SYK: variants seen among roughly 807,000 people sequenced by gnomAD.
SYK encodes the protein tyrosine-protein kinase SYK.
SYK carries 16 observed loss-of-function variants against 77.8 expected under a neutral mutation model. The ratio of observed to expected loss-of-function variants is 0.21; its 90% CI spans 0.14 to 0.31. SYK has a LOEUF of 0.31. SYK is among the 10% of genes least tolerant of loss of function. The pLI, the probability that SYK is intolerant of heterozygous loss-of-function variation, is 1.00. For synonymous variants in SYK, 312 were observed against 308.7 expected, an observed-to-expected ratio of 1.01 and a Z score of -0.11; for missense variants, 529 against 814.4, an observed-to-expected ratio of 0.65 and a Z score of 4.26.
chr9:90,862,494 A>C, intron 4 of SYK, 150 bp downstream of exon 4: 1 of 966,484 alleles, frequency 1.0e-6, no homozygotes, highest in Non-Finnish European at 1.5e-6. Context: ...CTCATGAGAA[A>C]CACACACCTG....
chr9:90,877,811 G>T (rs751384534), intron 10 of SYK, 31 bp downstream of exon 10: 1 of 1,612,338 alleles, frequency 6.2e-7, no homozygotes, highest in Non-Finnish European at 8.5e-7. Context: ...ACATCTGGAA[G>T]CTATCCCCTA....
intron 1 of SYK, among the ~76,000 whole-genome samples, chr9:90,819,448 G>C (rs890088500): frequency 6.6e-6 from 1 of 152,216 alleles, no homozygotes; most frequent in Non-Finnish European, 1.5e-5. Context: ...TGGAATTACA[G>C]TTCCACATGG....
At chr9:90,855,883 G>A (rs1827021054) in intron 3 of SYK, among the ~76,000 whole-genome samples, 2 of 152,168 alleles carry the variant, frequency 1.3e-5, no homozygotes, top group African/African-American at 4.8e-5. Context: ...GGGATATGGT[G>A]TGAGCCTGTT....
rs147125933 is a variant in SYK at position 90,878,820 on chromosome 9, A to G, written c.1448A>G (p.Lys483Arg). The G allele has an allele frequency of 6.8e-6, 11 of 1,614,010 alleles. No homozygotes were observed. In the African/African-American group the frequency reaches 1.3e-4, roughly 20 times the overall value. ...ELVHQVSMGM[K>R]YLEESNFVHR... ...GTTCATCAGGTTTCCATGGGCATGA[A>G]GTACTTGGAGGAGAGCAATTTTGTG... Residue 483 changes from lysine to arginine, a missense_variant, in exon 11 of 14, where the codon AAG (lysine) becomes AGG (arginine). Physicochemically the swap from Lys to Arg is conservative, Grantham distance 26. Around this residue, in one of 2 missense-constraint regions of SYK, gnomAD observed 208 missense variants for 381.3 expected, o/e 0.55. Transcript: ENST00000375754.
At position 90,895,991 on chromosome 9, in the gene SYK, C is replaced by T. The variant is rs200937477; in HGVS notation, c.*391C>T. The T allele has an allele frequency of 2.1e-5, 5 of 243,234 alleles. No individual in the cohort carries two copies. The Admixed American group carries it at 2.1e-4, about 10-fold the overall frequency. 15.1% of individuals were successfully genotyped at this position (243,234 alleles called of 1,614,324 possible). ...TGGCCTAGAGCACTCTCACCCCAAG[C>T]GGCCTTTTCCAAATGCCCAAGGATG... is the stretch of plus-strand genomic sequence containing the variant. On this transcript the variant is annotated 3_prime_UTR_variant, in exon 14 of 14. Transcript: ENST00000375754. This position sits in a 1 kb window ranked among gnomAD's most constrained non-coding sequence, Gnocchi z 4.4.
At chr9:90,886,218 T>A (rs1317930036) in intron 11 of SYK, among the ~76,000 whole-genome samples, 1 of 152,084 alleles carries the variant, frequency 6.6e-6, no homozygotes, top group Non-Finnish European at 1.5e-5. Flanking sequence ...ATGCTCAATA[T>A]CACCAAACAG....
chr9:90,854,051 C>T (rs554939199), intron 3 of SYK, among the ~76,000 whole-genome samples: 43 of 152,132 alleles, frequency 2.8e-4, no homozygotes, highest in Non-Finnish European at 1.2e-4. Context: ...AACCCCAGTC[C>T]GAGCCCCAGG....
At chr9:90,866,073 A>C (rs1158022536) in intron 6 of SYK, among the ~76,000 whole-genome samples, 1 of 151,540 alleles carries the variant, frequency 6.6e-6, no homozygotes, top group Non-Finnish European at 1.5e-5. Context: ...TAATTTTTTT[A>C]TATTTTTAGT....
rs1426739076 is a variant in SYK, at chr9:90,864,609, T to C, written c.738T>C (p.Tyr246=). 2 of 1,614,214 alleles carry C rather than the reference T, an allele frequency of 1.2e-6. No homozygotes were observed. The highest frequency in any genetic ancestry group is 3.3e-5 in the Admixed American group (2 of 60,020). The part of the protein sequence containing the change: ...TLWQLVEHYS[Y]KADGLLRVLT... ...TTCAGCTAGTCGAGCATTATTCTTA[T>C]AAAGCAGATGGTTTGTTAAGAGTTC... Residue 246 remains tyrosine, a synonymous_variant, in exon 5 of 14, where the codon TAT becomes TAC. Transcript: ENST00000375754.
At position 90,877,842 on chromosome 9, in the gene SYK, G is replaced by A. The variant is rs1828005345; in HGVS notation, c.1391+62G>A. On this transcript the variant is annotated intron_variant, in intron 10 of 13. Transcript: ENST00000375754. ...CCCTAAGGGACAGGGCCCACCCCTG[G>A]ATGGGCCGAGCAGCCTGATTTCCTT... 4 of 1,577,432 alleles carry A rather than the reference G, an allele frequency of 2.5e-6. No homozygotes were observed. The African/African-American group carries it at 4.0e-5, about 16-fold the overall frequency.
intron 1 of SYK, among the ~76,000 whole-genome samples, chr9:90,831,100 A>G (rs1025914237): frequency 1.3e-5 from 2 of 152,172 alleles, no homozygotes; most frequent in African/African-American, 4.8e-5. Context: ...TTTGGCAACA[A>G]TTGTTTGCAG....
intron 3 of SYK, among the ~76,000 whole-genome samples, chr9:90,861,053 T>G (rs1445242569): frequency 6.6e-6 from 1 of 152,090 alleles, no homozygotes; most frequent in African/African-American, 2.4e-5. Context: ...ACCTAAGATC[T>G]CATGAACCAA....
In SYK at chr9:90,844,234, G is replaced by T; in HGVS notation, c.336G>T (p.Gly112=). The change falls in exon 2 of 14, where the codon GGG becomes GGT. Residue 112 remains glycine (G), a synonymous_variant. Coordinates refer to ENST00000375754, the MANE Select transcript of SYK (RefSeq NM_003177.7). ...AGAAGCCCTTCAACCGGCCCCAAGG[G>T]GTGCAGCCCAAGACTGGGCCCTTTG... ...LLKKPFNRPQ[G]VQPKTGPFED... The T allele has an allele frequency of 6.2e-7, 1 of 1,614,186 alleles. No individual in the cohort carries two copies. The highest frequency in any genetic ancestry group is 8.5e-7 in the Non-Finnish European group (1 of 1,180,010).
chr9:90,848,095 C>T (rs2118670544), intron 3 of SYK, among the ~76,000 whole-genome samples: 1 of 152,200 alleles, frequency 6.6e-6, no homozygotes, highest in East Asian at 1.9e-4. Flanking sequence ...GTTGTGTATG[C>T]TTGTGGAGAG....
Position 90,888,509 on chromosome 9 carries a change from T to G in SYK, c.1723-6T>G, listed in dbSNP as rs201685667. The G allele has an allele frequency of 7.5e-6, 12 of 1,591,396 alleles. No homozygotes were observed. Among genetic ancestry groups the G allele is most frequent in the Non-Finnish European group, 1.0e-5 (12 of 1,172,038 alleles). On this transcript the variant is annotated splice_region_variant and splice_polypyrimidine_tract_variant and intron_variant, in intron 12 of 13. Transcript: ENST00000375754. ...AAAAAGCTTATGCATATCTTGCATGTTGTAGGGGATGAAAGGAAGTGAAGT... is the reference window on the plus strand; with the variant it reads ...AAAAAGCTTATGCATATCTTGCATGGTGTAGGGGATGAAAGGAAGTGAAGT...
intron 11 of SYK, among the ~76,000 whole-genome samples, chr9:90,880,214 A>G (rs1385618479): frequency 6.6e-6 from 1 of 152,200 alleles, no homozygotes; most frequent in East Asian, 1.9e-4. Flanking sequence ...GAGGCAGTCC[A>G]TGGACTGGTA....
chr9:90,829,543 G>C lies in SYK; in HGVS notation c.-41-14315G>C, dbSNP rs148440961. Among the ~76,000 whole-genome samples, 371 of 152,300 alleles carry C rather than the reference G, an allele frequency of 2.4e-3. 3 individuals carry two copies. The highest frequency in any genetic ancestry group is 8.4e-3 in the African/African-American group (351 of 41,550). ...GGCAAGAAGACGTGAGGATAGTAGAGAACCTGGAAATCACGCAGTCCCCAG... is the reference window on the plus strand; with the variant it reads ...GGCAAGAAGACGTGAGGATAGTAGACAACCTGGAAATCACGCAGTCCCCAG... On this transcript the variant is annotated intron_variant, in intron 1 of 13. Coordinates refer to ENST00000375754, the MANE Select transcript of SYK (RefSeq NM_003177.7).
intron 1 of SYK, among the ~76,000 whole-genome samples, chr9:90,812,312 T>C (rs1045651021): frequency 2.0e-5 from 3 of 152,176 alleles, no homozygotes; most frequent in Admixed American, 6.5e-5. Context: ...GAGAAGTAAC[T>C]TAGAAACACA....
rs1403053686 is a variant in SYK, at chr9:90,884,679, A to G, written c.1582-3070A>G. On this transcript the variant is annotated intron_variant, in intron 11 of 13. Coordinates refer to ENST00000375754, the MANE Select transcript of SYK (RefSeq NM_003177.7). ...CACATATGTGTACATGTACATATAT[A>G]CACATATACACATATGTGTACATGT... Among the ~76,000 whole-genome samples, 4 of 55,936 alleles carry G rather than the reference A, an allele frequency of 7.2e-5. 1 individual carries two copies. In the Admixed American group the frequency reaches 8.0e-4, roughly 11 times the overall value. 36.7% of individuals were successfully genotyped at this position (55,936 alleles called of 152,430 possible).
Sources: gnomAD v4.1 joint callset for allele counts (sites outside exome capture counted in the v4.1 genomes callset) on GRCh38, gnomAD v4.1.1 for gene constraint, gnomAD v4.1.1 regional missense constraint, Gnocchi (gnomAD v3.1) non-coding constraint, MANE v1.5 for transcripts, NCBI Gene and HGNC (gene_info 2026-07-23, HGNC 2026-07-21) for gene names.